KIF16B: variants seen among roughly 807,000 people sequenced by gnomAD.
KIF16B encodes kinesin-like protein KIF16B.
KIF16B carries 98 observed loss-of-function variants against 156.3 expected under a neutral mutation model. The ratio of observed to expected loss-of-function variants is 0.63; its 90% CI spans 0.53 to 0.74. The LOEUF is 0.74. Ranked by LOEUF, KIF16B falls within the 30% of genes least tolerant of loss-of-function variation. The probability of loss-of-function intolerance (pLI) is 0.00; values close to 1 mark genes in which losing one functional copy is unlikely to be tolerated. For missense variants in KIF16B, 1,421 were observed against 1,606.5 expected (o/e 0.88, Z 1.97); for synonymous variants, 564 against 583.7 (o/e 0.97, Z 0.49).
At chr20:16,439,308 C>T (rs2066731600) in intron 12 of KIF16B, among the ~76,000 whole-genome samples, 2 of 152,192 alleles carry the variant, frequency 1.3e-5, no homozygotes, top group South Asian at 4.1e-4. Flanking sequence ...CTACCATCTA[C>T]TCTCCATATG....
At chr20:16,404,935 A>G (rs2065744602) in intron 16 of KIF16B, 34 bp from the exon 17 acceptor site, 1 of 1,526,086 alleles carries the variant, frequency 6.6e-7, no homozygotes, top group East Asian at 2.3e-5. Flanking sequence ...TGGTTACCTT[A>G]GCAGAGAAGA....
intron 12 of KIF16B, among the ~76,000 whole-genome samples, chr20:16,475,575 G>A (rs1376283269): frequency 6.6e-6 from 1 of 152,234 alleles, no homozygotes. Context: ...AACCAACGCA[G>A]AGGTTACTTG....
chr20:16,405,018 C>T (rs757602383), intron 16 of KIF16B, 117 bp from the exon 17 acceptor site: 12 of 695,952 alleles, frequency 1.7e-5, no homozygotes, highest in African/African-American at 3.5e-5. Context: ...CTAATTAACA[C>T]GCACCACAAT....
At chr20:16,467,588 T>C (rs2146724431) in intron 12 of KIF16B, among the ~76,000 whole-genome samples, 1 of 151,830 alleles carries the variant, frequency 6.6e-6, no homozygotes, top group South Asian at 2.1e-4. Context: ...GATGAAAAAA[T>C]CTTGAAATAA....
chr20:16,536,231 C>T (rs2069955588), intron 1 of KIF16B, among the ~76,000 whole-genome samples: 2 of 151,994 alleles, frequency 1.3e-5, no homozygotes, highest in African/African-American at 4.8e-5. Context: ...GTAAAATAAG[C>T]CAGGCACAGA....
Position 16,425,258 on chromosome 20 carries a change from T to C in KIF16B, c.1612+1846A>G, listed in dbSNP as rs116925074. Among the ~76,000 whole-genome samples the C allele has an allele frequency of 3.3e-3, 504 of 152,210 alleles. 4 individuals carry two copies. The highest frequency in any genetic ancestry group is 0.023 in the East Asian group (118 of 5,166). The stretch of plus-strand genomic sequence containing the variant: ...TGAGGACAGGACACGAAAGCCAGCT[T>C]GAAGAAACTCACAGTGGCCAAAATA... On this transcript the variant is annotated intron_variant, in intron 15 of 25. Transcript: ENST00000354981.
chr20:16,396,913 T>C (rs1568933329), intron 17 of KIF16B, among the ~76,000 whole-genome samples: 1 of 152,164 alleles, frequency 6.6e-6, no homozygotes, highest in African/African-American at 2.4e-5. Context: ...TTTGATATTC[T>C]AACTGGGTTT....
chr20:16,520,150 G>A (rs1644697478), intron 3 of KIF16B, among the ~76,000 whole-genome samples: 1 of 150,044 alleles, frequency 6.7e-6, no homozygotes, highest in Admixed American at 6.6e-5. Flanking sequence ...TTCATACCCT[G>A]GTGGCACCTG....
intron 12 of KIF16B, among the ~76,000 whole-genome samples, chr20:16,442,957 A>G (rs948484550): frequency 6.6e-6 from 1 of 152,158 alleles, no homozygotes; most frequent in Non-Finnish European, 1.5e-5. Flanking sequence ...GTAGGTAAAG[A>G]CCATCCCCTA....
At chr20:16,297,662 C>T (rs2063410060) in intron 25 of KIF16B, among the ~76,000 whole-genome samples, 1 of 148,132 alleles carries the variant, frequency 6.8e-6, no homozygotes, top group Non-Finnish European at 1.5e-5. Context: ...CACTGTTGCA[C>T]TCCAGCCTGG....
In KIF16B at chr20:16,379,910, C is replaced by T; in HGVS notation, c.2092G>A (p.Glu698Lys). ...QEIELQKKRQ[E>K]EETFLRVQEE... ...TGGACGCGGAGAAAGGTCTCTTCTT[C>T]TTGTCTCTTCTTCTGCAGCTCGATT... The change falls in exon 19 of 26, where the codon GAA becomes AAA. Residue 698 changes from glutamate (E) to lysine (K), a missense_variant. Glu to Lys is a moderately conservative substitution (Grantham distance 56). Transcript: ENST00000354981. 6.2e-7 allele frequency: 1 copy of T among 1,614,180 alleles called. No individual in the cohort carries two copies. Among genetic ancestry groups the T allele is most frequent in the Non-Finnish European group, 8.5e-7 (1 of 1,180,028 alleles).
intron 1 of KIF16B, among the ~76,000 whole-genome samples, chr20:16,571,040 G>A (rs545419522): frequency 6.6e-6 from 1 of 152,224 alleles, no homozygotes; most frequent in African/African-American, 2.4e-5. Flanking sequence ...AATGAACAAG[G>A]TCAACATGCG....
chr20:16,451,532 TA>T (rs57855822), intron 12 of KIF16B, among the ~76,000 whole-genome samples: 193 of 143,908 alleles, frequency 1.3e-3, no homozygotes, highest in Middle Eastern at 3.6e-3. Flanking sequence ...ACTACCATGT[TA>T]AAAAAAAAAA....
At chr20:16,406,150 A>G (rs914966921) in intron 16 of KIF16B, among the ~76,000 whole-genome samples, 8 of 152,116 alleles carry the variant, frequency 5.3e-5, no homozygotes, top group Admixed American at 2.0e-4. Flanking sequence ...ATCTAGGAGG[A>G]GCAGTTTCTC....
chr20:16,529,861 G>A (rs2069681501), intron 1 of KIF16B, among the ~76,000 whole-genome samples: 1 of 152,152 alleles, frequency 6.6e-6, no homozygotes. Flanking sequence ...TGAGGCAGGA[G>A]AATCACTTGA....
intron 15 of KIF16B, among the ~76,000 whole-genome samples, chr20:16,409,967 A>ATATATATATATATATATATATATGTAGG (rs1555877397): frequency 3.3e-5 from 1 of 30,140 alleles, no homozygotes; most frequent in African/African-American, 1.5e-4. Context: ...ATATATATAT[A>ATATATATATATATATATATATATGTAGG]TACATATATA....
Position 16,549,114 on chromosome 20 carries a change from T to C in KIF16B, c.48-20674A>G, listed in dbSNP as rs968551766. On this transcript the variant is annotated intron_variant, in intron 1 of 25. Coordinates refer to ENST00000354981, the MANE Select transcript of KIF16B (RefSeq NM_024704.5). ...TGCAGGTTAGTTACATATGTATACATGTGCCATGCTGGTGCACTGCACCCA... is the reference window on the plus strand; with the variant it reads ...TGCAGGTTAGTTACATATGTATACACGTGCCATGCTGGTGCACTGCACCCA... Among the ~76,000 whole-genome samples, 7 of 150,928 alleles carry C rather than the reference T, an allele frequency of 4.6e-5. No individual in the cohort carries two copies. In the South Asian group the frequency reaches 1.3e-3, roughly 28 times the overall value.
At chr20:16,510,994 T>A (rs1404278160) in intron 6 of KIF16B, among the ~76,000 whole-genome samples, 1 of 152,180 alleles carries the variant, frequency 6.6e-6, no homozygotes, top group Non-Finnish European at 1.5e-5. Flanking sequence ...ACAACACAGA[T>A]GCTGAAACCC....
chr20:16,449,398 A>G (rs1240268336), intron 12 of KIF16B, among the ~76,000 whole-genome samples: 5 of 152,394 alleles, frequency 3.3e-5, no homozygotes, highest in South Asian at 4.1e-4. Flanking sequence ...GCTCCAGAAC[A>G]TAAGAAAGTG....
Sources: allele counts gnomAD v4.1 joint callset (sites outside exome capture counted in the v4.1 genomes callset), GRCh38; gene constraint gnomAD v4.1.1; transcripts MANE v1.5; gene names NCBI Gene and HGNC (gene_info 2026-07-23, HGNC 2026-07-21).